CLCNKB: variants seen among roughly 807,000 people sequenced by gnomAD.
CLCNKB encodes the protein chloride channel protein ClC-Kb.
In CLCNKB, 74 loss-of-function variants were observed where a neutral mutation model predicts 83.8. That is an observed-to-expected ratio of 0.88 (90% CI 0.73 to 1.07). CLCNKB has a LOEUF of 1.07. CLCNKB is among the 50% of genes least tolerant of loss of function. The probability of loss-of-function intolerance (pLI) is 0.00; values close to 1 mark genes in which losing one functional copy is unlikely to be tolerated. For missense variants in CLCNKB, 798 were observed against 893.6 expected (o/e 0.89, Z 1.36); for synonymous variants, 358 against 356.6 (o/e 1.00, Z -0.04).
chr1:16,045,273 C>T (rs1379881591), intron 2 of CLCNKB, among the ~76,000 whole-genome samples: 13 of 152,196 alleles, frequency 8.5e-5, no homozygotes, highest in Admixed American at 8.5e-4. Flanking sequence ...CTCCCTGTCC[C>T]CCAGGAACCT....
At chr1:16,056,222 T>TCACC (rs2023434074) in intron 18 of CLCNKB, among the ~76,000 whole-genome samples, 200 bp from the exon 19 acceptor site, 2 of 151,984 alleles carry the variant, frequency 1.3e-5, no homozygotes, top group Admixed American at 6.5e-5. Context: ...TAGGTCCTGT[T>TCACC]TACCTGCGGC....
At chr1:16,049,347 C>T in intron 8 of CLCNKB, 102 bp downstream of exon 8, 1 of 1,556,854 alleles carries the variant, frequency 6.4e-7, no homozygotes. Flanking sequence ...CTTTCCCTCT[C>T]TCTCCCTCTT....
chr1:16,049,598 C>A lies in CLCNKB; in HGVS notation c.782-20C>A. On this transcript the variant is annotated intron_variant, in intron 8 of 19. Transcript: ENST00000375679. ...CGGGTGGGAGCGCCATCTTGGCTCC[C>A]CACTGCCCTCCTTCCCCAGAGACCA... is the stretch of plus-strand genomic sequence containing the variant. 6.3e-7 allele frequency: 1 copy of A among 1,576,080 alleles called. No homozygotes were observed. The highest frequency in any genetic ancestry group is 1.3e-5 in the African/African-American group (1 of 74,200).
At position 16,057,226 on chromosome 1, in the gene CLCNKB, C is replaced by T. The variant is rs542894766; in HGVS notation, c.*310C>T. 1 of 678,868 alleles carries T rather than the reference C, an allele frequency of 1.5e-6. No individual in the cohort carries two copies. Among genetic ancestry groups the T allele is most frequent in the East Asian group, 2.9e-5 (1 of 34,452 alleles). 42.1% of individuals were successfully genotyped at this position (678,868 alleles called of 1,614,324 possible). On this transcript the variant is annotated 3_prime_UTR_variant, in exon 20 of 20. Coordinates refer to ENST00000375679, the MANE Select transcript of CLCNKB (RefSeq NM_000085.5). ...GAATGATGAGATTGGAGTACACTGT[C>T]ACCAAGGGCAGGCACAGATGCCTTC...
rs1388487245 is a variant in CLCNKB, at chr1:16,049,914, C to T, written c.966C>T (p.Thr322=). 1.3e-6 allele frequency: 2 copies of T among 1,597,836 alleles called. No homozygotes were observed. The highest frequency in any genetic ancestry group is 2.7e-5 in the African/African-American group (2 of 73,584). The stretch of plus-strand genomic sequence containing the variant: ...GGTTCAGCTCCAAACTGCTGGCCAC[C>T]AGGTAGGCTCCGGGCTAAGGGCTGG... ...NNRFSSKLLA[T]SKPVYSALAT... The change falls in exon 10 of 20, where the codon ACC becomes ACT. Residue 322 remains threonine (T), a splice_region_variant and synonymous_variant. Transcript: ENST00000375679.
chr1:16,054,055 A>G (rs1454730478), intron 16 of CLCNKB, among the ~76,000 whole-genome samples: 3 of 152,150 alleles, frequency 2.0e-5, no homozygotes, highest in African/African-American at 7.2e-5. Flanking sequence ...GGACACCACC[A>G]GGGTCTTCCG....
intron 2 of CLCNKB, 41 bp downstream of exon 2, chr1:16,044,633 T>G: frequency 1.3e-6 from 2 of 1,488,922 alleles, no homozygotes; most frequent in African/African-American, 2.7e-5. Flanking sequence ...GGAGGACCAC[T>G]CAGGACATCA....
chr1:16,054,069 G>T (rs1208901867), intron 16 of CLCNKB, among the ~76,000 whole-genome samples: 1 of 152,136 alleles, frequency 6.6e-6, no homozygotes, highest in East Asian at 1.9e-4. Flanking sequence ...TCTTCCGGAA[G>T]CTTCCCTTCA....
rs772633176 is a variant in CLCNKB at position 16,048,557 on chromosome 1, C to T, written c.630C>T (p.Ala210=). The change falls in exon 7 of 20, where the codon GCC becomes GCT. Residue 210 remains alanine (A), a synonymous_variant. Coordinates refer to ENST00000375679, the MANE Select transcript of CLCNKB (RefSeq NM_000085.5). Reference sequence around the variant, plus strand: ...TGGCAGCGGCGGCAGTGGGCGTGGCCACAGTCTTTGCAGCTCCCTTCAGCG... The same window carrying T: ...TGGCAGCGGCGGCAGTGGGCGTGGCTACAGTCTTTGCAGCTCCCTTCAGCG... ...MLVAAAAVGV[A]TVFAAPFSGV... is the part of the protein sequence containing the mutation. 1.9e-6 allele frequency: 3 copies of T among 1,613,310 alleles called. No homozygotes were observed. The highest frequency in any genetic ancestry group is 2.5e-6 in the Non-Finnish European group (3 of 1,179,712).
chr1:16,049,747 C>G, intron 9 of CLCNKB, 45 bp downstream of exon 9: 1 of 1,609,334 alleles, frequency 6.2e-7, no homozygotes, highest in Non-Finnish European at 8.5e-7. Flanking sequence ...AGGCATTCCC[C>G]CCAAGGCCTG....
chr1:16,051,725 G>A lies in CLCNKB; in HGVS notation c.1313G>A (p.Arg438His), dbSNP rs201540273. 6.3e-5 allele frequency: 102 copies of A among 1,613,736 alleles called. No homozygotes were observed. Among genetic ancestry groups the A allele is most frequent in the African/African-American group, 1.3e-4 (10 of 74,858 alleles). ...CTGTGGCCAGGAGCTGCTATCGGGC[G>A]CCTCTTTGGGGAGACTCTCTCTTTT... Reference protein sequence around the residue: ...PIFVYGAAIGRLFGETLSFIF... With the variant: ...PIFVYGAAIGHLFGETLSFIF... Residue 438 changes from arginine (R) to histidine (H), a missense_variant, in exon 14 of 20, where the codon CGC becomes CAC. Coordinates refer to ENST00000375679, the MANE Select transcript of CLCNKB (RefSeq NM_000085.5).
chr1:16,051,849 G>A (rs759106312), intron 14 of CLCNKB, 29 bp downstream of exon 14: 3 of 1,556,128 alleles, frequency 1.9e-6, no homozygotes, highest in Admixed American at 1.7e-5. Flanking sequence ...TGCTGCGTGG[G>A]CAATGTCGTG....
intron 4 of CLCNKB, among the ~76,000 whole-genome samples, chr1:16,047,030 G>T (rs1342260898): frequency 6.6e-6 from 1 of 152,218 alleles, no homozygotes; most frequent in Non-Finnish European, 1.5e-5. Context: ...GGTGGCCTGA[G>T]ATTTCATCCG....
intron 16 of CLCNKB, among the ~76,000 whole-genome samples, chr1:16,054,475 A>G (rs2023384941): frequency 1.3e-5 from 2 of 152,300 alleles, no homozygotes; most frequent in South Asian, 4.1e-4. Context: ...GGATAAGGCC[A>G]TTTATGAGCT....
intron 4 of CLCNKB, 95 bp downstream of exon 4, chr1:16,046,758 A>T: frequency 6.7e-7 from 1 of 1,497,848 alleles, no homozygotes; most frequent in Non-Finnish European, 9.2e-7. Context: ...TCACAGACAA[A>T]GGCCCAGGAA....
intron 11 of CLCNKB, 125 bp downstream of exon 11, chr1:16,050,725 T>C (rs1421928365): frequency 6.8e-7 from 1 of 1,471,788 alleles, no homozygotes; most frequent in Non-Finnish European, 9.4e-7. Context: ...TTATAGATGA[T>C]ACTACAGCTT....
downstream of CLCNKB, chr1:16,057,309 G>A (rs530778033): frequency 3.3e-5 from 18 of 546,082 alleles, no homozygotes; most frequent in Middle Eastern, 2.9e-4. Context: ...GGTTCCCAGA[G>A]CTGGTGTCCA....
chr1:16,051,821 G>T lies in CLCNKB; in HGVS notation c.1408+1G>T, dbSNP rs780281396. 1 of 1,611,142 alleles carries T rather than the reference G, an allele frequency of 6.2e-7. No individual in the cohort carries two copies. The highest frequency in any genetic ancestry group is 2.2e-5 in the East Asian group (1 of 44,856). ...ATGCCAGGGGGGTATGCTCTGGCAG[G>T]TGAGTGGGTCAGGGGCCTGCTGCGT... is the stretch of plus-strand genomic sequence containing the variant. On this transcript the variant is annotated splice_donor_variant, in intron 14 of 19. Coordinates refer to ENST00000375679, the MANE Select transcript of CLCNKB (RefSeq NM_000085.5). LOFTEE classifies it high-confidence loss of function.
chr1:16,055,516 G>C lies in CLCNKB; in HGVS notation c.1838G>C (p.Gly613Ala). Reference sequence around the variant, plus strand: ...GCTGAGCCTCCTTCCTGGGCTCCTGGACACCAGGTGGGTACTCCTGAGGGG... The same window carrying C: ...GCTGAGCCTCCTTCCTGGGCTCCTGCACACCAGGTGGGTACTCCTGAGGGG... ...LKAEPPSWAP[G>A]HQQCLQDILA... The change falls in exon 17 of 20, where the codon GGA becomes GCA. Residue 613 changes from glycine to alanine, a missense_variant. By Grantham distance (60) the Gly-to-Ala change is moderately conservative. Transcript: ENST00000375679. The C allele has an allele frequency of 7.2e-7, 1 of 1,388,606 alleles. No homozygotes were observed. Among genetic ancestry groups the C allele is most frequent in the Non-Finnish European group, 9.9e-7 (1 of 1,007,458 alleles). 86.0% of individuals were successfully genotyped at this position (1,388,606 alleles called of 1,614,324 possible).
Sources: allele counts gnomAD v4.1 joint callset (sites outside exome capture counted in the v4.1 genomes callset), GRCh38; gene constraint gnomAD v4.1.1; transcripts MANE v1.5; gene names NCBI Gene and HGNC (gene_info 2026-07-23, HGNC 2026-07-21).